Variants in DLEC1 observed in about 807,000 individuals in gnomAD.
DLEC1 encodes DLEC1 cilia and flagella associated protein.
Under a neutral mutation model 198.1 loss-of-function variants are expected in DLEC1, and 146 were observed. The ratio of observed to expected loss-of-function variants is 0.74; its 90% CI spans 0.64 to 0.85. DLEC1 has a LOEUF of 0.85. Ranked by LOEUF, DLEC1 falls within the 40% of genes least tolerant of loss-of-function variation. DLEC1 has a pLI of 0.00. For synonymous variants in DLEC1, 897 were observed against 866.8 expected, an observed-to-expected ratio of 1.03 and a Z score of -0.61; for missense variants, 2,233 against 2,220.0, an observed-to-expected ratio of 1.01 and a Z score of -0.12.
chr3:38,078,982 G>A (rs1697797355), intron 6 of DLEC1, among the ~76,000 whole-genome samples: 1 of 152,212 alleles, frequency 6.6e-6, no homozygotes, highest in Non-Finnish European at 1.5e-5. Context: ...AGTGATAACA[G>A]GCTTTAATCC....
At chr3:38,073,448 G>A (rs1274156813) in intron 6 of DLEC1, among the ~76,000 whole-genome samples, 1 of 152,144 alleles carries the variant, frequency 6.6e-6, no homozygotes, top group Non-Finnish European at 1.5e-5. Context: ...AGGTTTTAAT[G>A]GGATGGTAAT....
chr3:38,084,135 G>T, intron 6 of DLEC1, 23 bp from the exon 7 acceptor site: 1 of 1,609,844 alleles, frequency 6.2e-7, no homozygotes, highest in African/African-American at 1.3e-5. Flanking sequence ...CTGTCTAAAA[G>T]AGATCATCTT....
rs1018247276 is a variant in DLEC1 at position 38,063,707 on chromosome 3, C to G, written c.1095-134C>G. Reference sequence around the variant, plus strand: ...CATTAACAATAAGATCCAAAAACCCCCCAACAAATGGTATATTGTGAATAT... The same window carrying G: ...CATTAACAATAAGATCCAAAAACCCGCCAACAAATGGTATATTGTGAATAT... On this transcript the variant is annotated intron_variant, in intron 5 of 36. Coordinates refer to ENST00000308059, the MANE Select transcript of DLEC1 (RefSeq NM_007335.4). The G allele has an allele frequency of 1.9e-5, 12 of 619,216 alleles. No homozygotes were observed. In the Admixed American group the frequency reaches 3.3e-4, roughly 17 times the overall value. 38.4% of individuals were successfully genotyped at this position (619,216 alleles called of 1,614,324 possible). A position where few individuals can be genotyped will look rare whatever the true frequency, so the allele number is the denominator to read the frequency against.
Position 38,059,773 on chromosome 3 carries a change from C to T in DLEC1, c.594C>T (p.Ser198=), listed in dbSNP as rs749238302. Residue 198 remains serine, a synonymous_variant, in exon 3 of 37, where the codon AGC becomes AGT. Transcript: ENST00000308059. ...GTGTCTCCAGATGGTGTATAGACAG[C>T]GAGTTGCTACGGAAACATCATTTGA... ...VKSVSRWCID[S]ELLRKHHLIS... 5.5e-5 allele frequency: 89 copies of T among 1,613,980 alleles called. No individual in the cohort carries two copies. Among genetic ancestry groups the T allele is most frequent in the Non-Finnish European group, 7.1e-5 (84 of 1,180,018 alleles).
chr3:38,080,905 T>A (rs1575161723), intron 6 of DLEC1, among the ~76,000 whole-genome samples: 1 of 130,490 alleles, frequency 7.7e-6, no homozygotes, highest in African/African-American at 3.0e-5. Flanking sequence ...GGAGGGAAGG[T>A]CAGCAGATAA....
At chr3:38,082,012 G>T (rs1254217461) in intron 6 of DLEC1, among the ~76,000 whole-genome samples, 3 of 111,520 alleles carry the variant, frequency 2.7e-5, no homozygotes, top group Non-Finnish European at 5.8e-5. Flanking sequence ...GGCAGCTGCC[G>T]GGCGGAGGGG....
intron 3 of DLEC1, among the ~76,000 whole-genome samples, chr3:38,060,965 A>C (rs768607425): frequency 7.2e-5 from 11 of 152,086 alleles, no homozygotes; most frequent in Non-Finnish European, 1.5e-4. Flanking sequence ...GATTACAGGC[A>C]TGAGCCACCG....
intron 10 of DLEC1, among the ~76,000 whole-genome samples, chr3:38,092,086 C>T (rs1698772181): frequency 6.6e-6 from 1 of 152,150 alleles, no homozygotes; most frequent in Non-Finnish European, 1.5e-5. Flanking sequence ...CAAAAGATAC[C>T]ATTTAAAAGA....
Position 38,097,489 on chromosome 3 carries a change from C to G in DLEC1, c.2435-18C>G, listed in dbSNP as rs555511152. The G allele has an allele frequency of 6.2e-6, 10 of 1,613,874 alleles. No individual in the cohort carries two copies. The South Asian group carries it at 1.1e-4, about 18-fold the overall frequency. Reference sequence around the variant, plus strand: ...CTCTGCTTCTCCTCTCCACCTCTCCCTTTCCCTCTCTTCTCAGAGCCCAGT... The same window carrying G: ...CTCTGCTTCTCCTCTCCACCTCTCCGTTTCCCTCTCTTCTCAGAGCCCAGT... On this transcript the variant is annotated intron_variant, in intron 16 of 36. Transcript: ENST00000308059.
intron 1 of DLEC1, among the ~76,000 whole-genome samples, chr3:38,041,740 C>T (rs543458868): frequency 1.4e-5 from 2 of 147,982 alleles, no homozygotes; most frequent in Non-Finnish European, 3.0e-5. Context: ...CCCAGGTACT[C>T]GGGAGGCTGA....
At chr3:38,073,098 G>A (rs879733298) in intron 6 of DLEC1, among the ~76,000 whole-genome samples, 12 of 152,204 alleles carry the variant, frequency 7.9e-5, no homozygotes, top group Non-Finnish European at 1.3e-4. Flanking sequence ...CCAGGTGAAA[G>A]CAAAGAGAGG....
Position 38,094,920 on chromosome 3 carries a change from A to T in DLEC1, c.1961A>T (p.Asn654Ile), listed in dbSNP as rs996917252. Reference protein sequence around the residue: ...LAFYWQIMKPNLQPLMPGETF... With the variant: ...LAFYWQIMKPILQPLMPGETF... ...TTCTACTGGCAGATCATGAAGCCCA[A>T]CCTGCAGCCCCTCATGCCTGGAGAA... Residue 654 changes from asparagine to isoleucine, a missense_variant, in exon 13 of 37, where the codon AAC becomes ATC. Physicochemically the swap from Asn to Ile is moderately radical, Grantham distance 149. Transcript: ENST00000308059. 6.2e-7 allele frequency: 1 copy of T among 1,614,058 alleles called. No homozygotes were observed. The highest frequency in any genetic ancestry group is 1.3e-5 in the African/African-American group (1 of 74,922).
intron 2 of DLEC1, among the ~76,000 whole-genome samples, chr3:38,046,708 C>T (rs1700902290): frequency 6.6e-6 from 1 of 152,200 alleles, no homozygotes; most frequent in East Asian, 1.9e-4. Flanking sequence ...TTTTTTAACA[C>T]AAGTGACTCC....
Position 38,112,410 on chromosome 3 carries a change from A to G in DLEC1, c.3666+49A>G. 6.2e-7 allele frequency: 1 copy of G among 1,600,624 alleles called. No individual in the cohort carries two copies. The highest frequency in any genetic ancestry group is 8.5e-7 in the Non-Finnish European group (1 of 1,169,736). ...GGCCTGGGGGGTGGAGAGTCTGCCC[A>G]GCCCTCGCCTTCAGCCTCTCTCCCC... On this transcript the variant is annotated intron_variant, in intron 25 of 36. Coordinates refer to ENST00000308059, the MANE Select transcript of DLEC1 (RefSeq NM_007335.4). The surrounding 1 kb of genome is among the most constrained non-coding windows in gnomAD (Gnocchi z 4.8).
intron 6 of DLEC1, among the ~76,000 whole-genome samples, chr3:38,081,647 CGGCTGGCCGGGTGGGGG>C (rs2125659592): frequency 1.3e-5 from 1 of 76,276 alleles, no homozygotes; most frequent in African/African-American, 6.1e-5. Context: ...CCGGACGGGG[CGGCTGGCCGGGTGGGGG>C]GGCTGACCCC....
At chr3:38,041,209 A>G (rs1407729694) in intron 1 of DLEC1, among the ~76,000 whole-genome samples, 1 of 152,046 alleles carries the variant, frequency 6.6e-6, no homozygotes, top group African/African-American at 2.4e-5. Flanking sequence ...TCACTGTGTT[A>G]GCCAGGATGG....
chr3:38,050,940 C>A, intron 2 of DLEC1, among the ~76,000 whole-genome samples: 1 of 146,856 alleles, frequency 6.8e-6, no homozygotes, highest in Admixed American at 6.7e-5. Flanking sequence ...CTCTCTCTCT[C>A]TTTTTTTTTT....
rs369105898 is a variant in DLEC1 at position 38,064,671 on chromosome 3, G to A, written c.1173+752G>A. Among the ~76,000 whole-genome samples, 64 of 149,580 alleles carry A rather than the reference G, an allele frequency of 4.3e-4. 1 individual carries two copies. The highest frequency in any genetic ancestry group is 1.5e-3 in the South Asian group (7 of 4,744). ...CCCACCTCCCGGACGGGGTGGCTGC[G>A]GGGCAGAGACACTCCTCAGTTCCCA... On this transcript the variant is annotated intron_variant, in intron 6 of 36. Coordinates refer to ENST00000308059, the MANE Select transcript of DLEC1 (RefSeq NM_007335.4).
At chr3:38,050,261 G>A (rs1559394367) in intron 2 of DLEC1, among the ~76,000 whole-genome samples, 1 of 151,946 alleles carries the variant, frequency 6.6e-6, no homozygotes. Context: ...GTAGAGACAG[G>A]GTCTTGCCAT....
Sources: gnomAD v4.1 joint callset for allele counts (sites outside exome capture counted in the v4.1 genomes callset) on GRCh38, gnomAD v4.1.1 for gene constraint, Gnocchi (gnomAD v3.1) non-coding constraint, MANE v1.5 for transcripts, NCBI Gene and HGNC (gene_info 2026-07-23, HGNC 2026-07-21) for gene names.